Variants in RIMS2 observed in about 807,000 individuals in gnomAD.
The protein encoded by RIMS2 is regulating synaptic membrane exocytosis 2.
Under a neutral mutation model 174.4 loss-of-function variants are expected in RIMS2, and 59 were observed. The observed-to-expected ratio is 0.34, with a 90% CI of 0.27 to 0.42. The LOEUF (loss-of-function observed/expected upper bound fraction) is 0.42. Ranked by LOEUF, RIMS2 falls within the 10% of genes least tolerant of loss-of-function variation. The probability of loss-of-function intolerance (pLI) is 1.00; values close to 1 mark genes in which losing one functional copy is unlikely to be tolerated. For missense variants in RIMS2, 1,620 were observed against 1,666.3 expected (o/e 0.97, Z 0.48); for synonymous variants, 606 against 572.5 (o/e 1.06, Z -0.84).
chr8:103,722,672 C>A (rs948387453), intron 2 of RIMS2, among the ~76,000 whole-genome samples: 16 of 152,128 alleles, frequency 1.1e-4, no homozygotes, highest in Non-Finnish European at 2.2e-4. Flanking sequence ...GCTGTGAAGC[C>A]CAGTTCCTAA....
At chr8:103,570,381 C>A (rs1426205424) in intron 1 of RIMS2, among the ~76,000 whole-genome samples, 2 of 152,090 alleles carry the variant, frequency 1.3e-5, no homozygotes, top group African/African-American at 4.8e-5. Context: ...TATTCATTAT[C>A]AAAAGGCAAT....
At chr8:103,607,253 A>G (rs1377095570) in intron 1 of RIMS2, among the ~76,000 whole-genome samples, 6 of 151,866 alleles carry the variant, frequency 4.0e-5, no homozygotes, top group East Asian at 3.9e-4. Context: ...TTTCTCCTTC[A>G]CTTATGAAGC....
At chr8:103,790,697 A>G (rs889868464) in intron 3 of RIMS2, among the ~76,000 whole-genome samples, 1 of 152,232 alleles carries the variant, frequency 6.6e-6, no homozygotes, top group Non-Finnish European at 1.5e-5. Context: ...CTTGTGTTCA[A>G]TGGCTATTTA....
At chr8:103,647,765 G>T (rs1241736249) in intron 1 of RIMS2, among the ~76,000 whole-genome samples, 2 of 151,574 alleles carry the variant, frequency 1.3e-5, no homozygotes. Flanking sequence ...GGTCAGTGGT[G>T]ATATTCTTCT....
chr8:103,678,187 G>T (rs571951573), intron 1 of RIMS2, among the ~76,000 whole-genome samples: 1 of 152,106 alleles, frequency 6.6e-6, no homozygotes, highest in Non-Finnish European at 1.5e-5. Flanking sequence ...CAAGAACAGG[G>T]TAATATTCAA....
At chr8:103,513,881 GT>G (rs1295648299) in intron 1 of RIMS2, among the ~76,000 whole-genome samples, 1 of 152,064 alleles carries the variant, frequency 6.6e-6, no homozygotes, top group Non-Finnish European at 1.5e-5. Context: ...CAATATTGGG[GT>G]CTTTATTGAT....
At chr8:103,608,628 C>G (rs1398360117) in intron 1 of RIMS2, among the ~76,000 whole-genome samples, 1 of 148,854 alleles carries the variant, frequency 6.7e-6, no homozygotes, top group Admixed American at 6.7e-5. Flanking sequence ...GACTGCTGTG[C>G]TAGCAATCAG....
At chr8:104,007,453 A>T (rs1307410997) in intron 17 of RIMS2, among the ~76,000 whole-genome samples, 1 of 152,148 alleles carries the variant, frequency 6.6e-6, no homozygotes, top group Non-Finnish European at 1.5e-5. Context: ...TTCCGATCTA[A>T]TTTTTTAACT....
At chr8:104,021,223 T>A (rs2096076146) in intron 19 of RIMS2, among the ~76,000 whole-genome samples, 1 of 152,092 alleles carries the variant, frequency 6.6e-6, no homozygotes, top group Non-Finnish European at 1.5e-5. Context: ...TAAAATACAG[T>A]TTTTCTTACT....
At chr8:104,159,136 C>T (rs2098744551) in intron 19 of RIMS2, among the ~76,000 whole-genome samples, 1 of 152,132 alleles carries the variant, frequency 6.6e-6, no homozygotes, top group Non-Finnish European at 1.5e-5. Context: ...TTCCCAGCAC[C>T]ATTTATTAAA....
chr8:103,817,230 T>C (rs2098723437), intron 3 of RIMS2, among the ~76,000 whole-genome samples: 1 of 152,128 alleles, frequency 6.6e-6, no homozygotes, highest in Admixed American at 6.5e-5. Context: ...AGTTAAAACA[T>C]TTGAGATATT....
intron 19 of RIMS2, among the ~76,000 whole-genome samples, chr8:104,076,367 A>C (rs1042393338): frequency 6.6e-6 from 1 of 152,162 alleles, no homozygotes; most frequent in South Asian, 2.1e-4. Context: ...TGTGATATCA[A>C]ACATCCATCA....
intron 19 of RIMS2, among the ~76,000 whole-genome samples, chr8:104,190,306 A>T (rs2098991051): frequency 6.6e-6 from 1 of 152,044 alleles, no homozygotes; most frequent in South Asian, 2.1e-4. Flanking sequence ...TATCTAAAAA[A>T]TATAAACTAA....
chr8:103,974,063 G>T (rs558996055), intron 15 of RIMS2, among the ~76,000 whole-genome samples: 1 of 152,260 alleles, frequency 6.6e-6, no homozygotes, highest in Non-Finnish European at 1.5e-5. Flanking sequence ...CTGGGCAATT[G>T]TTCATGTTTC....
Position 103,789,749 on chromosome 8 carries a change from CTTTTTTTT to C in RIMS2, c.698+23227_698+23234del, listed in dbSNP as rs11354049. Among the ~76,000 whole-genome samples, 9 of 85,190 alleles carry C rather than the reference CTTTTTTTT, an allele frequency of 1.1e-4. No homozygotes were observed. The Admixed American group carries it at 1.2e-3, about 11-fold the overall frequency. The allele number at this position is 85,190 out of a possible 152,430, so 55.9% of individuals were successfully genotyped here. A position where few individuals can be genotyped will look rare whatever the true frequency, so the allele number is the denominator to read the frequency against. On this transcript the variant is annotated intron_variant, in intron 3 of 23. Transcript: ENST00000504942. ...AACATATATTATGATGGATTGTACTCTTTTTTTTTTTTTTTTTTTTTTGAGACAGGGTC... is the reference window on the plus strand; with the variant it reads ...AACATATATTATGATGGATTGTACTCTTTTTTTTTTTTTTGAGACAGGGTC...
In RIMS2 at chr8:104,158,029, G is replaced by A. The variant is rs150977226; in HGVS notation, c.3335-86887G>A. 2.1e-3 allele frequency among the ~76,000 whole-genome samples: 323 copies of A among 152,098 alleles called. 1 individual carries two copies. Among genetic ancestry groups the A allele is most frequent in the African/African-American group, 7.5e-3 (311 of 41,502 alleles). On this transcript the variant is annotated intron_variant, in intron 19 of 23. Transcript: ENST00000504942. ...CTGCACCCATCAACTCGTCATTTAC[G>A]TTAGATATTTCTCCTAACGCTATCC...
intron 1 of RIMS2, among the ~76,000 whole-genome samples, chr8:103,619,556 C>T (rs974505638): frequency 6.6e-6 from 1 of 151,944 alleles, no homozygotes; most frequent in African/African-American, 2.4e-5. Flanking sequence ...AAATCTTCTG[C>T]ATTCAAGGTT....
chr8:103,776,206 C>A (rs1438104441), intron 3 of RIMS2, among the ~76,000 whole-genome samples: 1 of 152,096 alleles, frequency 6.6e-6, no homozygotes, highest in Non-Finnish European at 1.5e-5. Flanking sequence ...AGCAATAACC[C>A]ATCTTTTCCC....
chr8:103,978,228 T>C (rs1032190693), intron 16 of RIMS2, among the ~76,000 whole-genome samples: 1 of 152,188 alleles, frequency 6.6e-6, no homozygotes, highest in Non-Finnish European at 1.5e-5. Context: ...AACAGTCCAA[T>C]AGAAGATAGG....
Sources: gnomAD v4.1 joint callset for allele counts (sites outside exome capture counted in the v4.1 genomes callset) on GRCh38, gnomAD v4.1.1 for gene constraint, MANE v1.5 for transcripts, NCBI Gene and HGNC (gene_info 2026-07-23, HGNC 2026-07-21) for gene names.